Variants in GRIK2 observed in about 807,000 individuals in gnomAD.
GRIK2 encodes the protein glutamate receptor ionotropic, kainate 2.
A neutral mutation model predicts 100.3 loss-of-function variants in GRIK2; 32 were observed. The observed-to-expected ratio is 0.32, with a 90% CI of 0.24 to 0.43. The LOEUF is 0.43. Among genes scored for constraint, GRIK2 ranks in the 20% least tolerant of loss-of-function variants. The pLI, the probability that GRIK2 is intolerant of heterozygous loss-of-function variation, is 1.00. For synonymous variants in GRIK2, 417 were observed against 389.4 expected (o/e 1.07, Z -0.83); for missense variants, 843 against 1,114.9 (o/e 0.76, Z 3.47).
intron 13 of GRIK2, among the ~76,000 whole-genome samples, chr6:101,926,040 A>G (rs1206609712): frequency 2.6e-5 from 4 of 151,190 alleles, no homozygotes; most frequent in Admixed American, 6.6e-5. Flanking sequence ...ATTTTTATAT[A>G]TAGTTTATGA....
At chr6:101,529,276 T>C (rs1257176401) in intron 2 of GRIK2, among the ~76,000 whole-genome samples, 2 of 152,116 alleles carry the variant, frequency 1.3e-5, no homozygotes, top group Non-Finnish European at 2.9e-5. Context: ...ATGAACTTTG[T>C]AGAATTTTGC....
rs493339 is a variant in GRIK2 at position 101,621,702 on chromosome 6, C to A, written c.116-247C>A. On this transcript the variant is annotated intron_variant, in intron 2 of 16. Transcript: ENST00000369134. ...TTTGTATCATGTTAAATTTTGGCAG[C>A]AATACTAAGGCAATTTTACCAGTAT... Among the ~76,000 whole-genome samples the A allele has an allele frequency of 1.9e-3, 290 of 151,978 alleles. 2 individuals carry two copies. The highest frequency in any genetic ancestry group is 6.9e-3 in the African/African-American group (286 of 41,492).
intron 12 of GRIK2, among the ~76,000 whole-genome samples, chr6:101,908,773 T>C (rs1207727877): frequency 7.5e-6 from 1 of 132,738 alleles, no homozygotes; most frequent in Non-Finnish European, 1.6e-5. Context: ...ATAGGAAGGA[T>C]AAAAATGGAG....
intron 7 of GRIK2, among the ~76,000 whole-genome samples, chr6:101,757,391 T>G (rs1476792023): frequency 1.3e-5 from 2 of 152,176 alleles, no homozygotes; most frequent in Admixed American, 6.5e-5. Flanking sequence ...GTTAAATTAT[T>G]AAAATGTAAA....
chr6:101,720,804 C>T (rs1385516737), intron 7 of GRIK2, among the ~76,000 whole-genome samples: 6 of 152,032 alleles, frequency 3.9e-5, no homozygotes. Flanking sequence ...CAAAACTGTA[C>T]TTCACCTTTA....
At chr6:101,876,986 AAG>A (rs550806382) in intron 11 of GRIK2, among the ~76,000 whole-genome samples, 6 of 152,028 alleles carry the variant, frequency 3.9e-5, no homozygotes, top group African/African-American at 1.4e-4. Flanking sequence ...TGTTAATTAA[AAG>A]AGTATGTAAT....
At chr6:101,808,968 C>A (rs1215337816) in intron 9 of GRIK2, among the ~76,000 whole-genome samples, 1 of 150,856 alleles carries the variant, frequency 6.6e-6, no homozygotes, top group Non-Finnish European at 1.5e-5. Flanking sequence ...TTGTCAATTT[C>A]TATAGTTAAT....
intron 2 of GRIK2, among the ~76,000 whole-genome samples, chr6:101,481,231 G>C (rs896441807): frequency 6.6e-6 from 1 of 151,924 alleles, no homozygotes; most frequent in Non-Finnish European, 1.5e-5. Flanking sequence ...CTGTTTTTTT[G>C]TTTTAAATGG....
intron 2 of GRIK2, among the ~76,000 whole-genome samples, chr6:101,413,749 A>G (rs1324956955): frequency 1.3e-5 from 2 of 152,146 alleles, no homozygotes; most frequent in African/African-American, 4.8e-5. Context: ...AATTAATGTA[A>G]TTTATCAATA....
intron 14 of GRIK2, among the ~76,000 whole-genome samples, chr6:101,958,539 G>C (rs2782912): frequency 0.95 from 143,969 of 152,056 alleles, 68,184 homozygotes; most frequent in African/African-American, 0.97. Context: ...CTTGATTCCT[G>C]TAGCTAGAAA....
chr6:102,029,402 C>A (rs919824457), intron 14 of GRIK2, among the ~76,000 whole-genome samples: 6 of 151,214 alleles, frequency 4.0e-5, no homozygotes, highest in African/African-American at 1.5e-4. Context: ...TGTCAATTTG[C>A]ATACAACTTT....
Position 101,803,619 on chromosome 6 carries a change from C to T in GRIK2, c.1203+1181C>T, listed in dbSNP as rs369568066. Among the ~76,000 whole-genome samples the T allele has an allele frequency of 2.0e-4, 30 of 151,878 alleles. No homozygotes were observed. The South Asian group carries it at 5.2e-3, about 26-fold the overall frequency. Reference sequence around the variant, plus strand: ...TGATAATGGTAGAATTCAGTAAGCTCGTGAGGAGTTTATCTTACTGTTTAC... The same window carrying T: ...TGATAATGGTAGAATTCAGTAAGCTTGTGAGGAGTTTATCTTACTGTTTAC... On this transcript the variant is annotated intron_variant, in intron 9 of 16. Coordinates refer to ENST00000369134, the MANE Select transcript of GRIK2 (RefSeq NM_021956.5).
At chr6:101,874,099 A>C (rs913077453) in intron 11 of GRIK2, among the ~76,000 whole-genome samples, 1 of 152,100 alleles carries the variant, frequency 6.6e-6, no homozygotes, top group African/African-American at 2.4e-5. Context: ...TCTTTAGTTT[A>C]ATTAGATCCC....
intron 9 of GRIK2, among the ~76,000 whole-genome samples, chr6:101,808,905 C>T (rs1781160744): frequency 6.6e-6 from 1 of 151,210 alleles, no homozygotes; most frequent in Admixed American, 6.6e-5. Flanking sequence ...TTTGTGTATC[C>T]TTTGGGAAAA....
intron 7 of GRIK2, among the ~76,000 whole-genome samples, chr6:101,695,995 A>T (rs1326153066): frequency 1.3e-5 from 2 of 152,098 alleles, no homozygotes; most frequent in Non-Finnish European, 2.9e-5. Context: ...AAATAAAAAA[A>T]ATCACAAGCT....
chr6:101,800,100 G>A (rs1780578914), intron 8 of GRIK2, among the ~76,000 whole-genome samples: 1 of 152,112 alleles, frequency 6.6e-6, no homozygotes, highest in South Asian at 2.1e-4. Flanking sequence ...AATATAAAAT[G>A]CATTTTTAAC....
chr6:101,875,444 T>C (rs1465546994), intron 11 of GRIK2, among the ~76,000 whole-genome samples: 2 of 151,922 alleles, frequency 1.3e-5, no homozygotes, highest in Non-Finnish European at 2.9e-5. Flanking sequence ...TAGACCATCA[T>C]ATATCTGCTC....
chr6:101,699,244 G>A (rs1324169982), intron 7 of GRIK2, among the ~76,000 whole-genome samples: 2 of 152,064 alleles, frequency 1.3e-5, no homozygotes, highest in African/African-American at 4.8e-5. Flanking sequence ...TTCTTCCATT[G>A]CCTTGAGTGT....
chr6:101,908,796 T>A (rs113514541), intron 12 of GRIK2, among the ~76,000 whole-genome samples: 2 of 150,698 alleles, frequency 1.3e-5, no homozygotes, highest in Non-Finnish European at 3.0e-5. Flanking sequence ...ATAATGTTCA[T>A]AGCACATTCA....
Sources: gnomAD v4.1 joint callset for allele counts (sites outside exome capture counted in the v4.1 genomes callset) on GRCh38, gnomAD v4.1.1 for gene constraint, MANE v1.5 for transcripts, NCBI Gene and HGNC (gene_info 2026-07-23, HGNC 2026-07-21) for gene names.